Variants in BTBD9 observed in about 807,000 individuals in gnomAD.
BTBD9 encodes BTB/POZ domain-containing protein 9.
BTBD9 carries 49 observed loss-of-function variants against 64.3 expected under a neutral mutation model. That is an observed-to-expected ratio of 0.76 (90% CI 0.61 to 0.97). The LOEUF is 0.97. Ranked by LOEUF, BTBD9 falls within the 50% of genes least tolerant of loss-of-function variation. BTBD9 has a pLI of 0.00. For missense variants in BTBD9, 598 were observed against 762.1 expected (o/e 0.78, Z 2.53); for synonymous variants, 260 against 274.7 (o/e 0.95, Z 0.53).
At chr6:38,505,964 CAAAAAAA>C (rs59014161) in intron 6 of BTBD9, among the ~76,000 whole-genome samples, 3 of 82,628 alleles carry the variant, frequency 3.6e-5, no homozygotes, top group African/African-American at 4.1e-5. Flanking sequence ...TCCGTCTCAA[CAAAAAAA>C]AAAAAAAAAA....
intron 8 of BTBD9, among the ~76,000 whole-genome samples, chr6:38,264,661 G>A (rs564415368): frequency 5.2e-4 from 79 of 152,284 alleles, no homozygotes; most frequent in African/African-American, 1.8e-3. Flanking sequence ...GCTCCTTATC[G>A]TCAGCTGTCA....
At chr6:38,407,918 G>A (rs1031490248) in intron 6 of BTBD9, among the ~76,000 whole-genome samples, 1 of 152,156 alleles carries the variant, frequency 6.6e-6, no homozygotes, top group African/African-American at 2.4e-5. Context: ...CAACTCTGAT[G>A]TATAATCAGA....
At chr6:38,542,792 C>T (rs1048813031) in intron 6 of BTBD9, among the ~76,000 whole-genome samples, 1 of 152,196 alleles carries the variant, frequency 6.6e-6, no homozygotes, top group Admixed American at 6.5e-5. Flanking sequence ...CTCTCTATTG[C>T]CTCCTAAAAC....
In BTBD9 at chr6:38,296,926, T is replaced by G. The variant is rs189178902; in HGVS notation, c.1265-8465A>C. On this transcript the variant is annotated intron_variant, in intron 7 of 10. Coordinates refer to ENST00000481247, the MANE Select transcript of BTBD9 (RefSeq NM_001099272.2). ...ACTTTGTGGTCTAGTACATGGCTAA[T>G]TCTTATGAATGTCTTATGTGTGCCT... Among the ~76,000 whole-genome samples, 160 of 152,364 alleles carry G rather than the reference T, an allele frequency of 1.1e-3. No homozygotes were observed. The Middle Eastern group carries it at 0.014, about 13-fold the overall frequency.
At chr6:38,392,049 ATGC>A (rs1376687761) in intron 6 of BTBD9, among the ~76,000 whole-genome samples, 1 of 152,166 alleles carries the variant, frequency 6.6e-6, no homozygotes, top group Non-Finnish European at 1.5e-5. Flanking sequence ...TGGACACATC[ATGC>A]AATAGACCAC....
intron 1 of BTBD9, among the ~76,000 whole-genome samples, chr6:38,601,986 T>C (rs548249852): frequency 1.2e-4 from 19 of 152,282 alleles, no homozygotes; most frequent in Non-Finnish European, 2.6e-4. Context: ...TCATAGGACA[T>C]GTAAGGAAAT....
chr6:38,205,267 G>A (rs1268785042), intron 9 of BTBD9, among the ~76,000 whole-genome samples: 4 of 152,020 alleles, frequency 2.6e-5, no homozygotes, highest in Non-Finnish European at 5.9e-5. Context: ...GAAAAGATCC[G>A]CACCAAAGTA....
rs150146400 is a variant in BTBD9, at chr6:38,239,103, C to A, written c.1562+17306G>T. 1.4e-3 allele frequency among the ~76,000 whole-genome samples: 209 copies of A among 152,202 alleles called. 1 individual carries two copies. Among genetic ancestry groups the A allele is most frequent in the African/African-American group, 4.7e-3 (195 of 41,538 alleles). On this transcript the variant is annotated intron_variant, in intron 9 of 10. Transcript: ENST00000481247. ...CCTCTTCCTCTCTCAGGAAAGGACA[C>A]CAAGTCATCTAGTGCAAGTTCACTT... is the stretch of plus-strand genomic sequence containing the variant.
chr6:38,224,149 G>A (rs1763307574), intron 9 of BTBD9, among the ~76,000 whole-genome samples: 1 of 152,040 alleles, frequency 6.6e-6, no homozygotes, highest in Non-Finnish European at 1.5e-5. Context: ...GGAGGCAAAG[G>A]TTGCAGTGAG....
chr6:38,349,135 G>T (rs1337886990), intron 6 of BTBD9, among the ~76,000 whole-genome samples: 1 of 152,074 alleles, frequency 6.6e-6, no homozygotes, highest in Non-Finnish European at 1.5e-5. Context: ...CGATTCACCT[G>T]CCTCAGCCTT....
chr6:38,438,302 T>C (rs75565218), intron 6 of BTBD9, among the ~76,000 whole-genome samples: 8,513 of 148,932 alleles, frequency 0.057, 511 homozygotes, highest in African/African-American at 0.14. Flanking sequence ...GGCAATTTAG[T>C]ACACAAAAAA....
chr6:38,452,108 A>C (rs905696901), intron 6 of BTBD9, among the ~76,000 whole-genome samples: 3 of 152,132 alleles, frequency 2.0e-5, no homozygotes, highest in Non-Finnish European at 4.4e-5. Context: ...AACAGGAACA[A>C]CACTTCTACT....
chr6:38,279,091 C>T (rs942977869), intron 8 of BTBD9, among the ~76,000 whole-genome samples: 4 of 152,136 alleles, frequency 2.6e-5, no homozygotes, highest in African/African-American at 4.8e-5. Context: ...ACCAACCAGC[C>T]TGTCATCATA....
chr6:38,632,427 A>T (rs531528310), intron 1 of BTBD9, among the ~76,000 whole-genome samples: 1 of 152,384 alleles, frequency 6.6e-6, no homozygotes, highest in Admixed American at 6.5e-5. Flanking sequence ...TTTTGTAAAT[A>T]GGTTTAAAAA....
At chr6:38,524,443 A>G (rs1773398720) in intron 6 of BTBD9, among the ~76,000 whole-genome samples, 1 of 152,220 alleles carries the variant, frequency 6.6e-6, no homozygotes, top group South Asian at 2.1e-4. Context: ...GAAATGGATT[A>G]GTATTAGAAC....
At chr6:38,302,157 C>A (rs962981416) in intron 7 of BTBD9, among the ~76,000 whole-genome samples, 1 of 152,044 alleles carries the variant, frequency 6.6e-6, no homozygotes, top group African/African-American at 2.4e-5. Flanking sequence ...TTCTAGTTAT[C>A]TTGAAATATA....
chr6:38,254,923 G>T (rs1444887996), intron 9 of BTBD9, among the ~76,000 whole-genome samples: 1 of 152,076 alleles, frequency 6.6e-6, no homozygotes, highest in African/African-American at 2.4e-5. Flanking sequence ...TATACCCAAA[G>T]GAATTGAAAA....
intron 7 of BTBD9, among the ~76,000 whole-genome samples, chr6:38,331,921 C>T (rs1763689508): frequency 6.6e-6 from 1 of 152,168 alleles, no homozygotes; most frequent in African/African-American, 2.4e-5. Context: ...TTTGATGAGA[C>T]ATGACTTTGT....
At chr6:38,294,686 A>G (rs1372666834) in intron 7 of BTBD9, among the ~76,000 whole-genome samples, 5 of 152,204 alleles carry the variant, frequency 3.3e-5, no homozygotes, top group African/African-American at 4.8e-5. Flanking sequence ...TAGCATTACG[A>G]GAAATACCTA....
Sources: gnomAD v4.1 joint callset for allele counts (sites outside exome capture counted in the v4.1 genomes callset) on GRCh38, gnomAD v4.1.1 for gene constraint, MANE v1.5 for transcripts, NCBI Gene and HGNC (gene_info 2026-07-23, HGNC 2026-07-21) for gene names.